Variants in TLK2 observed in about 807,000 individuals in gnomAD.
TLK2 encodes the protein tousled like kinase 2.
Under a neutral mutation model 117.3 loss-of-function variants are expected in TLK2, and 6 were observed. The ratio of observed to expected loss-of-function variants is 0.05; its 90% CI spans 0.03 to 0.10. TLK2 has a LOEUF of 0.10. Among genes scored for constraint, TLK2 ranks in the 10% least tolerant of loss-of-function variants. The pLI, the probability that TLK2 is intolerant of heterozygous loss-of-function variation, is 1.00. For synonymous variants in TLK2, 257 were observed against 316.7 expected (o/e 0.81, Z 2.00); for missense variants, 299 against 901.2 (o/e 0.33, Z 8.56).
At chr17:62,541,321 A>G (rs2077518238) in intron 7 of TLK2, among the ~76,000 whole-genome samples, 1 of 152,184 alleles carries the variant, frequency 6.6e-6, no homozygotes, top group Admixed American at 6.5e-5. Context: ...TCACTTGTGT[A>G]TCTCTAATGC....
intron 1 of TLK2, among the ~76,000 whole-genome samples, chr17:62,473,432 A>G (rs1315656217): frequency 6.6e-6 from 1 of 152,206 alleles, no homozygotes. Context: ...ATAACACGCT[A>G]AATACTACAT....
chr17:62,604,270 G>A (rs1293712099), intron 19 of TLK2, among the ~76,000 whole-genome samples: 1 of 152,014 alleles, frequency 6.6e-6, no homozygotes, highest in Non-Finnish European at 1.5e-5. Context: ...GCCTCCCAAA[G>A]TGCTGGGAAT....
intron 2 of TLK2, among the ~76,000 whole-genome samples, chr17:62,520,438 A>T (rs1330267567): frequency 2.0e-5 from 3 of 152,048 alleles, no homozygotes; most frequent in Non-Finnish European, 4.4e-5. Context: ...GCACTTTGGG[A>T]GGTCGAGACA....
intron 2 of TLK2, among the ~76,000 whole-genome samples, chr17:62,499,822 G>T (rs1260002259): frequency 6.6e-6 from 1 of 151,172 alleles, no homozygotes; most frequent in Admixed American, 6.6e-5. Flanking sequence ...TTGCACTCTA[G>T]CCTGGGCGAC....
intron 21 of TLK2, among the ~76,000 whole-genome samples, chr17:62,610,301 C>T (rs191496211): frequency 1.1e-4 from 16 of 152,332 alleles, no homozygotes; most frequent in African/African-American, 3.6e-4. Flanking sequence ...TCTTCCTGTC[C>T]TCCCACAACA....
chr17:62,606,580 C>G (rs1459560827), intron 20 of TLK2, among the ~76,000 whole-genome samples: 1 of 152,184 alleles, frequency 6.6e-6, no homozygotes, highest in African/African-American at 2.4e-5. Flanking sequence ...TTCCCAAGAA[C>G]CTGGGGGCCC....
chr17:62,487,285 C>CT (rs1214976496), intron 2 of TLK2, among the ~76,000 whole-genome samples: 42 of 148,078 alleles, frequency 2.8e-4, no homozygotes, highest in African/African-American at 9.9e-4. Context: ...GAGCGAGACT[C>CT]TGTCTCAAAA....
chr17:62,559,835 A>G (rs2079128379), intron 9 of TLK2, among the ~76,000 whole-genome samples, 181 bp from the exon 10 acceptor site: 1 of 152,214 alleles, frequency 6.6e-6, no homozygotes, highest in African/African-American at 2.4e-5. Context: ...ATATGTTATG[A>G]GAGAATAAAG....
At chr17:62,472,098 G>C (rs965511837) in intron 1 of TLK2, among the ~76,000 whole-genome samples, 30 of 150,974 alleles carry the variant, frequency 2.0e-4, no homozygotes, top group Non-Finnish European at 3.7e-4. Flanking sequence ...AGTAGAGACG[G>C]GGTTTCACCG....
At chr17:62,592,436 A>G (rs1172750329) in intron 16 of TLK2, among the ~76,000 whole-genome samples, 3 of 152,232 alleles carry the variant, frequency 2.0e-5, no homozygotes, top group Admixed American at 6.5e-5. Flanking sequence ...TTGCTTAACA[A>G]TGGGGCTACA....
chr17:62,576,854 G>A (rs1406656456), intron 13 of TLK2, 79 bp downstream of exon 13: 2 of 1,135,320 alleles, frequency 1.8e-6, no homozygotes, highest in African/African-American at 3.1e-5. Context: ...TGGTCATTTG[G>A]GTGAATGTAA....
At position 62,613,794 on chromosome 17, in the gene TLK2, A is replaced by G. The variant is rs1402373323; in HGVS notation, c.*1229A>G. ...CACTTTGTCTAGCTCACTTTAAAAGATTCATCAAATGGAATTTTAAAAATA... is the reference window on the plus strand; with the variant it reads ...CACTTTGTCTAGCTCACTTTAAAAGGTTCATCAAATGGAATTTTAAAAATA... On this transcript the variant is annotated 3_prime_UTR_variant, in exon 22 of 22. Transcript: ENST00000346027. The G allele has an allele frequency of 2.6e-5, 4 of 152,180 alleles. No individual in the cohort carries two copies. Among genetic ancestry groups the G allele is most frequent in the Admixed American group, 6.5e-5 (1 of 15,282 alleles). 9.4% of individuals were successfully genotyped at this position (152,180 alleles called of 1,614,324 possible).
chr17:62,594,683 C>A (rs963913380), intron 16 of TLK2, among the ~76,000 whole-genome samples: 3 of 151,630 alleles, frequency 2.0e-5, no homozygotes, highest in Admixed American at 1.3e-4. Flanking sequence ...TAACATTTAC[C>A]CACTCATTCC....
intron 6 of TLK2, among the ~76,000 whole-genome samples, chr17:62,525,894 T>C (rs1437816081): frequency 1.3e-5 from 2 of 152,254 alleles, no homozygotes; most frequent in East Asian, 1.9e-4. Flanking sequence ...CTAAAAGATA[T>C]TAAATGAGAT....
At chr17:62,528,654 T>C (rs971167262) in intron 6 of TLK2, among the ~76,000 whole-genome samples, 5 of 152,032 alleles carry the variant, frequency 3.3e-5, no homozygotes, top group African/African-American at 4.8e-5. Flanking sequence ...TGACTTCAAG[T>C]AATCCACCCG....
At chr17:62,499,158 C>T (rs139931519) in intron 2 of TLK2, among the ~76,000 whole-genome samples, 1,884 of 151,648 alleles carry the variant, frequency 0.012, 31 homozygotes, top group African/African-American at 0.043. Flanking sequence ...CTGGCGACCA[C>T]GGCAAAACCC....
chr17:62,577,163 C>T (rs529318654), intron 13 of TLK2, among the ~76,000 whole-genome samples: 172 of 151,930 alleles, frequency 1.1e-3, no homozygotes, highest in Non-Finnish European at 1.7e-3. Context: ...GGGGTCTCAC[C>T]ATTAGGCTGG....
chr17:62,527,618 A>G (rs534496077), intron 6 of TLK2, among the ~76,000 whole-genome samples: 3 of 152,174 alleles, frequency 2.0e-5, no homozygotes, highest in African/African-American at 4.8e-5. Context: ...TGTGAGGTTT[A>G]TCCATTTCAT....
At chr17:62,514,513 TAC>T (rs2075406811) in intron 2 of TLK2, among the ~76,000 whole-genome samples, 1 of 151,462 alleles carries the variant, frequency 6.6e-6, no homozygotes. Flanking sequence ...TTAAAAACAA[TAC>T]AGTTTCAAAA....
Sources: allele counts gnomAD v4.1 joint callset (sites outside exome capture counted in the v4.1 genomes callset), GRCh38; gene constraint gnomAD v4.1.1; transcripts MANE v1.5; gene names NCBI Gene and HGNC (gene_info 2026-07-23, HGNC 2026-07-21).